Variants in UNC13C observed in about 807,000 individuals in gnomAD.
UNC13C encodes the protein protein unc-13 homolog C.
A neutral mutation model predicts 245.4 loss-of-function variants in UNC13C; 174 were observed. The ratio of observed to expected loss-of-function variants is 0.71; its 90% confidence interval spans 0.63 to 0.80. The LOEUF (loss-of-function observed/expected upper bound fraction) is 0.80, where lower values mean the gene tolerates loss of function less well. UNC13C is among the 30% of genes least tolerant of loss of function. The probability of loss-of-function intolerance (pLI) is 0.00; values close to 1 mark genes in which losing one functional copy is unlikely to be tolerated. For missense variants in UNC13C, 2,829 were observed against 2,602.9 expected, an observed-to-expected ratio of 1.09 and a Z score of -1.89; for synonymous variants, 992 against 895.1, an observed-to-expected ratio of 1.11 and a Z score of -1.93.
chr15:54,420,139 G>A (rs1055721755), intron 19 of UNC13C, among the ~76,000 whole-genome samples: 4 of 152,008 alleles, frequency 2.6e-5, no homozygotes, highest in African/African-American at 4.8e-5. Flanking sequence ...TAAGGTTTAG[G>A]GTTAGTGTAT....
Position 54,289,726 on chromosome 15 carries a change from C to T in UNC13C, c.3819-4169C>T, listed in dbSNP as rs373549833. ...GGTGACATTTCTTTGGGGAAAACAC[C>T]GATCAATACTTTTGCCCCTCGGGAC... On this transcript the variant is annotated intron_variant, in intron 10 of 32. Transcript: ENST00000260323. Among the ~76,000 whole-genome samples, 3 of 152,012 alleles carry T rather than the reference C, an allele frequency of 2.0e-5. No individual in the cohort carries two copies. In the East Asian group the frequency reaches 5.8e-4, roughly 29 times the overall value.
At chr15:54,318,822 A>T (rs1212605462) in intron 13 of UNC13C, among the ~76,000 whole-genome samples, 2 of 151,934 alleles carry the variant, frequency 1.3e-5, no homozygotes, top group Non-Finnish European at 2.9e-5. Flanking sequence ...TATCAAAAAA[A>T]TAATTATGTC....
At chr15:53,944,785 G>A in the UNC13C span, among the ~76,000 whole-genome samples, 8 of 152,288 alleles carry the variant, frequency 5.3e-5, no homozygotes, top group African/African-American at 1.9e-4. Flanking sequence ...TATATACCCA[G>A]TAATAGGATG....
intron 1 of UNC13C, among the ~76,000 whole-genome samples, chr15:53,993,486 G>A (rs528276330): frequency 6.6e-6 from 1 of 152,066 alleles, no homozygotes; most frequent in East Asian, 1.9e-4. Context: ...GGGGGTATCT[G>A]TGTGGCACGT....
chr15:54,529,297 C>G (rs149274312), intron 25 of UNC13C, among the ~76,000 whole-genome samples: 121 of 152,142 alleles, frequency 8.0e-4, no homozygotes, highest in African/African-American at 2.9e-3. Flanking sequence ...ATTAAAGGCC[C>G]AGAAGCAAGA....
intron 19 of UNC13C, among the ~76,000 whole-genome samples, chr15:54,434,988 A>T (rs1214009907): frequency 2.6e-5 from 4 of 152,176 alleles, no homozygotes; most frequent in Non-Finnish European, 1.5e-5. Flanking sequence ...AAAGCTCATC[A>T]TCACTGTTCA....
chr15:54,544,827 G>A (rs142562094), intron 26 of UNC13C, among the ~76,000 whole-genome samples: 5 of 152,282 alleles, frequency 3.3e-5, no homozygotes, highest in African/African-American at 4.8e-5. Flanking sequence ...TAAATTTCAT[G>A]TTCATGGATA....
chr15:53,862,162 C>T, the UNC13C span, among the ~76,000 whole-genome samples: 2 of 152,088 alleles, frequency 1.3e-5, no homozygotes, highest in Non-Finnish European at 2.9e-5. Context: ...TTGTAGACAG[C>T]CACCTTCTTG....
chr15:54,489,396 T>G (rs981593553), intron 19 of UNC13C, among the ~76,000 whole-genome samples: 3 of 152,196 alleles, frequency 2.0e-5, no homozygotes, highest in Non-Finnish European at 2.9e-5. Flanking sequence ...TAACTGGTTT[T>G]CTGTGCAGTG....
chr15:53,935,811 T>C, the UNC13C span, among the ~76,000 whole-genome samples: 1 of 152,024 alleles, frequency 6.6e-6, no homozygotes, highest in African/African-American at 2.4e-5. Context: ...CTGAAACCCA[T>C]GGAACAGGAG....
intron 17 of UNC13C, among the ~76,000 whole-genome samples, chr15:54,344,333 C>T (rs1335061904): frequency 6.6e-6 from 1 of 152,056 alleles, no homozygotes; most frequent in Non-Finnish European, 1.5e-5. Context: ...ATAAAGCAAA[C>T]GTGCCCCTAA....
intron 23 of UNC13C, among the ~76,000 whole-genome samples, chr15:54,507,940 G>A (rs958673104): frequency 6.6e-6 from 1 of 150,688 alleles, no homozygotes; most frequent in East Asian, 1.9e-4. Flanking sequence ...AATCAGTTTC[G>A]CTATCAGGTG....
chr15:54,050,849 T>C (rs1044936355), intron 2 of UNC13C: 7 of 573,590 alleles, frequency 1.2e-5, no homozygotes, highest in Admixed American at 5.7e-5. Context: ...ATGCTTTGGT[T>C]CTCTTAAAAG....
chr15:54,303,019 G>T (rs74667009), intron 13 of UNC13C, among the ~76,000 whole-genome samples: 7,826 of 151,924 alleles, frequency 0.052, 266 homozygotes, highest in Middle Eastern at 0.11. Flanking sequence ...AAATAATAAA[G>T]ATATATAGAT....
chr15:54,560,570 C>T (rs1396386390), intron 29 of UNC13C, among the ~76,000 whole-genome samples: 1 of 151,830 alleles, frequency 6.6e-6, no homozygotes, highest in Non-Finnish European at 1.5e-5. Context: ...CTCCTTCCTA[C>T]CCCCGCGGTG....
chr15:54,293,343 G>T (rs935312864), intron 10 of UNC13C, among the ~76,000 whole-genome samples: 1 of 151,972 alleles, frequency 6.6e-6, no homozygotes, highest in African/African-American at 2.4e-5. Context: ...GGAAATTAAC[G>T]ATGGACTAGA....
intron 19 of UNC13C, among the ~76,000 whole-genome samples, chr15:54,469,183 T>C (rs112553142): frequency 6.7e-4 from 101 of 151,642 alleles, no homozygotes; most frequent in African/African-American, 2.1e-3. Flanking sequence ...TTATTTTTTA[T>C]GTTATTGTAA....
intron 4 of UNC13C, among the ~76,000 whole-genome samples, chr15:54,193,092 C>T (rs1567085266): frequency 6.6e-6 from 1 of 152,142 alleles, no homozygotes; most frequent in Non-Finnish European, 1.5e-5. Context: ...TTCATCACAA[C>T]TGAGGCTTCA....
At chr15:54,434,766 G>A (rs544961210) in intron 19 of UNC13C, among the ~76,000 whole-genome samples, 66 of 152,172 alleles carry the variant, frequency 4.3e-4, no homozygotes, top group African/African-American at 1.5e-3. Flanking sequence ...CTTCTGCACA[G>A]CAAAATAAAC....
Sources: gnomAD v4.1 joint callset for allele counts (sites outside exome capture counted in the v4.1 genomes callset) on GRCh38, gnomAD v4.1.1 for gene constraint, MANE v1.5 for transcripts, NCBI Gene and HGNC (gene_info 2026-07-23, HGNC 2026-07-21) for gene names.